GABRB1: variants seen among roughly 807,000 people sequenced by gnomAD.
GABRB1 encodes gamma-aminobutyric acid receptor subunit beta-1.
In GABRB1, 17 loss-of-function variants were observed where a neutral mutation model predicts 51.6. The ratio of observed to expected loss-of-function variants is 0.33; its 90% CI spans 0.23 to 0.49. The LOEUF (loss-of-function observed/expected upper bound fraction) is 0.49, where lower values mean the gene tolerates loss of function less well. GABRB1 is among the 20% of genes least tolerant of loss of function. GABRB1 has a pLI of 0.99. For synonymous variants in GABRB1, 247 were observed against 218.9 expected, an observed-to-expected ratio of 1.13 and a Z score of -1.14; for missense variants, 410 against 600.6, an observed-to-expected ratio of 0.68 and a Z score of 3.32.
intron 8 of GABRB1, among the ~76,000 whole-genome samples, chr4:47,421,342 T>C (rs1729085340): frequency 6.6e-6 from 1 of 152,108 alleles, no homozygotes; most frequent in Non-Finnish European, 1.5e-5. Context: ...ATTAGGAGCA[T>C]CTGTATGCTT....
At chr4:47,083,272 T>C (rs1426691164) in intron 3 of GABRB1, among the ~76,000 whole-genome samples, 1 of 152,106 alleles carries the variant, frequency 6.6e-6, no homozygotes, top group Non-Finnish European at 1.5e-5. Flanking sequence ...GTCATTTAAG[T>C]TTGTGGGTTA....
intron 1 of GABRB1, among the ~76,000 whole-genome samples, chr4:47,002,751 C>T: frequency 6.6e-6 from 1 of 152,120 alleles, no homozygotes; most frequent in Non-Finnish European, 1.5e-5. Flanking sequence ...GAACATGATA[C>T]AGTGGTGAAA....
chr4:47,381,546 C>A (rs917431462), intron 5 of GABRB1, among the ~76,000 whole-genome samples: 1 of 152,180 alleles, frequency 6.6e-6, no homozygotes, highest in Non-Finnish European at 1.5e-5. Flanking sequence ...CTCTTACACT[C>A]CACAGGCTTA....
At position 47,293,114 on chromosome 4, in the gene GABRB1, TTTGTTG is replaced by T. The variant is rs201509280; in HGVS notation, c.462-26995_462-26990del. On this transcript the variant is annotated intron_variant, in intron 4 of 8. Transcript: ENST00000295454. ...TTTGGGGGCAGAGTAAGCACATAGT[TTTGTTG>T]TTGTTGTTGTTGTTGTTTTTCTTGG... 7.0e-4 allele frequency among the ~76,000 whole-genome samples: 107 copies of T among 152,038 alleles called. 1 individual carries two copies. The East Asian group carries it at 0.017, about 24-fold the overall frequency.
intron 4 of GABRB1, among the ~76,000 whole-genome samples, chr4:47,298,319 G>A (rs895280851): frequency 2.6e-5 from 4 of 152,330 alleles, no homozygotes; most frequent in Admixed American, 6.5e-5. Flanking sequence ...CAGATGACAT[G>A]ATTGTGTATC....
chr4:47,297,424 A>T (rs1051251396), intron 4 of GABRB1, among the ~76,000 whole-genome samples: 9 of 151,498 alleles, frequency 5.9e-5, no homozygotes, highest in Non-Finnish European at 1.3e-4. Flanking sequence ...GATAAAGGGG[A>T]TATCACCACC....
At chr4:47,290,261 C>A (rs1292490971) in intron 4 of GABRB1, among the ~76,000 whole-genome samples, 1 of 152,156 alleles carries the variant, frequency 6.6e-6, no homozygotes. Flanking sequence ...GATAGTAAGT[C>A]TCCTGAGATC....
intron 5 of GABRB1, among the ~76,000 whole-genome samples, chr4:47,376,706 G>A (rs1036260545): frequency 3.9e-5 from 6 of 152,156 alleles, no homozygotes; most frequent in African/African-American, 1.4e-4. Flanking sequence ...TTCTTGGGAG[G>A]AGTAGAGGCA....
At chr4:47,072,247 C>T (rs1286720132) in intron 3 of GABRB1, among the ~76,000 whole-genome samples, 4 of 152,228 alleles carry the variant, frequency 2.6e-5, no homozygotes, top group Admixed American at 6.5e-5. Flanking sequence ...CTTCCTGTGG[C>T]TTTACCATTT....
chr4:47,136,424 A>G (rs922716532), intron 3 of GABRB1, among the ~76,000 whole-genome samples: 4 of 152,136 alleles, frequency 2.6e-5, no homozygotes, highest in African/African-American at 9.7e-5. Flanking sequence ...CCTAAAAAAA[A>G]TGGTAACTGC....
intron 4 of GABRB1, among the ~76,000 whole-genome samples, chr4:47,202,998 G>A (rs894277): frequency 0.85 from 129,156 of 152,126 alleles, 54,807 homozygotes; most frequent in Middle Eastern, 0.92. Flanking sequence ...GGCTTGGAAC[G>A]GAAAAGAAAT....
intron 5 of GABRB1, among the ~76,000 whole-genome samples, chr4:47,375,533 C>A (rs575560261): frequency 2.0e-5 from 3 of 152,290 alleles, no homozygotes; most frequent in Admixed American, 2.0e-4. Flanking sequence ...AAATGTCTAT[C>A]ATTTGTTGGT....
chr4:47,338,297 T>C (rs1048490951), intron 5 of GABRB1, among the ~76,000 whole-genome samples: 2 of 152,186 alleles, frequency 1.3e-5, no homozygotes, highest in Non-Finnish European at 2.9e-5. Flanking sequence ...CAAGTGTTCA[T>C]TGTGCACATG....
intron 4 of GABRB1, among the ~76,000 whole-genome samples, chr4:47,166,613 G>A (rs1363370672): frequency 6.6e-6 from 1 of 152,018 alleles, no homozygotes; most frequent in East Asian, 1.9e-4. Flanking sequence ...TTATCAGTAT[G>A]TTATTAATAG....
intron 5 of GABRB1, among the ~76,000 whole-genome samples, chr4:47,385,341 G>A (rs1023764943): frequency 2.6e-5 from 4 of 152,180 alleles, no homozygotes; most frequent in African/African-American, 9.7e-5. Context: ...GTTGTACCCA[G>A]ATCTCAGTGG....
intron 4 of GABRB1, among the ~76,000 whole-genome samples, chr4:47,224,839 A>G (rs1263263465): frequency 6.6e-6 from 1 of 152,096 alleles, no homozygotes; most frequent in Non-Finnish European, 1.5e-5. Flanking sequence ...TGACCTAACT[A>G]AAATAATCTT....
chr4:47,070,184 C>A (rs550581849), intron 3 of GABRB1, among the ~76,000 whole-genome samples: 1 of 151,012 alleles, frequency 6.6e-6, no homozygotes, highest in South Asian at 2.1e-4. Context: ...TACAGGCAAG[C>A]ACCACCATGC....
intron 3 of GABRB1, among the ~76,000 whole-genome samples, chr4:47,096,976 T>A (rs1714470920): frequency 6.6e-6 from 1 of 152,164 alleles, no homozygotes; most frequent in Admixed American, 6.5e-5. Flanking sequence ...AGCCACTAAG[T>A]GTGTGGTGGT....
intron 4 of GABRB1, among the ~76,000 whole-genome samples, chr4:47,303,575 G>A (rs552363797): frequency 6.6e-6 from 1 of 151,834 alleles, no homozygotes; most frequent in African/African-American, 2.4e-5. Flanking sequence ...TGTCTTGAAA[G>A]TACAAATATA....
Sources: allele counts gnomAD v4.1 joint callset (sites outside exome capture counted in the v4.1 genomes callset), GRCh38; gene constraint gnomAD v4.1.1; transcripts MANE v1.5; gene names NCBI Gene and HGNC (gene_info 2026-07-23, HGNC 2026-07-21).